The following HFM1 variants were observed in gnomAD, a reference collection of about 807,000 sequenced individuals.
HFM1 encodes probable ATP-dependent DNA helicase HFM1.
HFM1 carries 169 observed loss-of-function variants against 192.1 expected under a neutral mutation model. The observed-to-expected ratio is 0.88, with a 90% confidence interval of 0.78 to 1.00. HFM1 has a LOEUF of 1.00. HFM1 is among the 50% of genes least tolerant of loss of function. The pLI, the probability that HFM1 is intolerant of heterozygous loss-of-function variation, is 0.00. For synonymous variants in HFM1, 525 were observed against 537.8 expected (o/e 0.98, Z 0.33); for missense variants, 1,661 against 1,668.0 (o/e 1.00, Z 0.07).
intron 34 of HFM1, among the ~76,000 whole-genome samples, chr1:91,268,194 T>A (rs1161292593): frequency 6.6e-6 from 1 of 151,040 alleles, no homozygotes; most frequent in Non-Finnish European, 1.5e-5. Context: ...TTCAATACAT[T>A]TTTTAGGCAA....
chr1:91,314,132 TG>T (rs1441644280), intron 28 of HFM1, 72 bp from the exon 29 acceptor site: 22 of 913,366 alleles, frequency 2.4e-5, no homozygotes, highest in Non-Finnish European at 3.7e-5. Flanking sequence ...AAGGGCTGAT[TG>T]TTCTTAAGAA....
At chr1:91,328,557 G>A in intron 20 of HFM1, 4 of 1,611,878 alleles carry the variant, frequency 2.5e-6, no homozygotes, top group South Asian at 1.1e-5. Flanking sequence ...AGGAGGGTGA[G>A]ACCACCAGCC....
chr1:91,387,931 TAAA>T (rs368930286), intron 4 of HFM1, among the ~76,000 whole-genome samples: 61 of 113,060 alleles, frequency 5.4e-4, no homozygotes, highest in African/African-American at 1.3e-3. Context: ...AAAAAAAAAT[TAAA>T]AAAAAAAAAA....
chr1:91,297,571 C>T (rs987403832), intron 30 of HFM1, among the ~76,000 whole-genome samples: 6 of 152,152 alleles, frequency 3.9e-5, no homozygotes, highest in Admixed American at 6.5e-5. Flanking sequence ...CTCACACAGC[C>T]GGGTACCCCT....
chr1:91,385,960 T>A, intron 4 of HFM1, 126 bp from the exon 5 acceptor site: 3 of 705,790 alleles, frequency 4.3e-6, no homozygotes, highest in South Asian at 4.0e-5. Context: ...ACAAAAAAGC[T>A]AAACATTCTC....
In HFM1 at chr1:91,380,132, C is replaced by A. The variant is rs1661381407; in HGVS notation, c.978G>T (p.Leu326Phe). ...AAACAATTTTAATATTCAACCATGGCAATGGTACTTCCATTAACAATCTTG... is the reference window on the plus strand; with the variant it reads ...AAACAATTTTAATATTCAACCATGGAAATGGTACTTCCATTAACAATCTTG... The part of the protein sequence containing the change: ...AITRLLMEVP[L>F]PWLNIKIVYM... Residue 326 changes from leucine (L) to phenylalanine (F), a missense_variant, in exon 8 of 39, where the codon TTG becomes TTT. By Grantham distance (22) the Leu-to-Phe change is conservative. Transcript: ENST00000370425. The A allele has an allele frequency of 7.0e-7, 1 of 1,438,640 alleles. No individual in the cohort carries two copies. The highest frequency in any genetic ancestry group is 9.6e-7 in the Non-Finnish European group (1 of 1,044,524). 89.1% of individuals were successfully genotyped at this position (1,438,640 alleles called of 1,614,324 possible).
intron 20 of HFM1, among the ~76,000 whole-genome samples, chr1:91,327,627 T>C (rs1199781991): frequency 1.3e-5 from 2 of 152,168 alleles, no homozygotes; most frequent in African/African-American, 4.8e-5. Context: ...ATAGACCAAA[T>C]GGACCTGATA....
At chr1:91,398,050 T>C (rs1445641369) in intron 2 of HFM1, among the ~76,000 whole-genome samples, 1 of 152,226 alleles carries the variant, frequency 6.6e-6, no homozygotes, top group East Asian at 1.9e-4. Flanking sequence ...TAAGCCACTG[T>C]TGTCAGTTAA....
intron 13 of HFM1, among the ~76,000 whole-genome samples, chr1:91,365,868 T>A (rs1397402212): frequency 1.3e-5 from 2 of 151,488 alleles, no homozygotes; most frequent in Non-Finnish European, 2.9e-5. Context: ...ATTAAGAAAT[T>A]GAAGTTGAAA....
intron 13 of HFM1, among the ~76,000 whole-genome samples, chr1:91,364,768 G>T (rs1345773131): frequency 1.3e-5 from 2 of 150,690 alleles, no homozygotes; most frequent in Non-Finnish European, 3.0e-5. Context: ...AGGGTAGCTG[G>T]GACTACAGGC....
chr1:91,334,615 T>C (rs531190097), intron 20 of HFM1, among the ~76,000 whole-genome samples: 2 of 152,020 alleles, frequency 1.3e-5, no homozygotes, highest in Non-Finnish European at 2.9e-5. Context: ...AACTAACTGA[T>C]GAAATGGAAT....
intron 30 of HFM1, among the ~76,000 whole-genome samples, chr1:91,296,282 C>T (rs895262280): frequency 9.9e-5 from 15 of 152,082 alleles, no homozygotes; most frequent in Admixed American, 4.6e-4. Flanking sequence ...AAAGACTGTC[C>T]GTTTTCCAAC....
At chr1:91,328,060 C>A (rs1653186294) in intron 20 of HFM1, among the ~76,000 whole-genome samples, 1 of 151,864 alleles carries the variant, frequency 6.6e-6, no homozygotes, top group South Asian at 2.1e-4. Flanking sequence ...TCTTAAAGAA[C>A]TAGAAAAGCA....
At chr1:91,349,051 G>T (rs1656563900) in intron 18 of HFM1, among the ~76,000 whole-genome samples, 1 of 152,180 alleles carries the variant, frequency 6.6e-6, no homozygotes, top group African/African-American at 2.4e-5. Context: ...ACTTTGGGAG[G>T]CCAAGGCAGG....
At chr1:91,374,897 A>G (rs1371869276) in intron 13 of HFM1, among the ~76,000 whole-genome samples, 2 of 152,162 alleles carry the variant, frequency 1.3e-5, no homozygotes, top group Non-Finnish European at 2.9e-5. Context: ...AACCTCAGGT[A>G]TACTCACTCG....
At chr1:91,291,522 T>G (rs1322427267) in intron 30 of HFM1, among the ~76,000 whole-genome samples, 1 of 152,158 alleles carries the variant, frequency 6.6e-6, no homozygotes, top group Non-Finnish European at 1.5e-5. Flanking sequence ...AATCTCTGAA[T>G]AGACCAATAA....
intron 30 of HFM1, among the ~76,000 whole-genome samples, chr1:91,298,925 T>C (rs1001848042): frequency 2.6e-5 from 4 of 152,130 alleles, no homozygotes; most frequent in African/African-American, 4.8e-5. Context: ...CAGGATCAAA[T>C]TCACACATAA....
At chr1:91,298,655 T>C (rs569508065) in intron 30 of HFM1, among the ~76,000 whole-genome samples, 11 of 152,254 alleles carry the variant, frequency 7.2e-5, no homozygotes, top group African/African-American at 2.6e-4. Flanking sequence ...AGAAAAGAAT[T>C]TTCAACCCAG....
chr1:91,287,599 A>G (rs1668173520), intron 30 of HFM1, among the ~76,000 whole-genome samples: 1 of 152,232 alleles, frequency 6.6e-6, no homozygotes, highest in Admixed American at 6.5e-5. Context: ...ACTAAAAAGC[A>G]GAGCACCTCT....
Sources: allele counts gnomAD v4.1 joint callset (sites outside exome capture counted in the v4.1 genomes callset), GRCh38; gene constraint gnomAD v4.1.1; transcripts MANE v1.5; gene names NCBI Gene and HGNC (gene_info 2026-07-23, HGNC 2026-07-21).